The following KMT5A variants were observed in gnomAD, a reference collection of about 807,000 sequenced individuals.
The protein encoded by KMT5A is lysine methyltransferase 5A, also known as N-lysine methyltransferase KMT5A.
KMT5A carries 6 observed loss-of-function variants against 40.6 expected under a neutral mutation model. The observed-to-expected ratio is 0.15, with a 90% CI of 0.08 to 0.29. The LOEUF is 0.29. Among genes scored for constraint, KMT5A ranks in the 10% least tolerant of loss-of-function variants. The pLI, the probability that KMT5A is intolerant of heterozygous loss-of-function variation, is 1.00. For missense variants in KMT5A, 308 were observed against 459.1 expected, an observed-to-expected ratio of 0.67 and a Z score of 3.01; for synonymous variants, 153 against 178.8, an observed-to-expected ratio of 0.86 and a Z score of 1.15.
chr12:123,394,688 G>C lies in KMT5A; in HGVS notation c.290-359G>C, dbSNP rs571894131. 1.1e-4 allele frequency among the ~76,000 whole-genome samples: 16 copies of C among 152,276 alleles called. No homozygotes were observed. In the South Asian group the frequency reaches 3.3e-3, roughly 32 times the overall value. The stretch of plus-strand genomic sequence containing the variant: ...ACTCCTGTCCCCTAATGCTGTCCCA[G>C]CCTTCAGGAATGGAGCTTTTGATCT... On this transcript the variant is annotated intron_variant, in intron 3 of 7. Coordinates refer to ENST00000402868, the MANE Select transcript of KMT5A (RefSeq NM_020382.7).
chr12:123,396,423 C>G lies in KMT5A; in HGVS notation c.588C>G (p.Ala196=), dbSNP rs1337688221. The change falls in exon 5 of 8, where the codon GCC becomes GCG. Residue 196 remains alanine (A), a synonymous_variant. Coordinates refer to ENST00000402868, the MANE Select transcript of KMT5A (RefSeq NM_020382.7). Reference sequence around the variant, plus strand: ...GAAGGAGCTCCAGGAAGAGCAAAGCCGAGCTGCAGGTAGTCACGTGCTTTA... The same window carrying G: ...GAAGGAGCTCCAGGAAGAGCAAAGCGGAGCTGCAGGTAGTCACGTGCTTTA... ...PVRRSSRKSK[A]ELQSEERKRI... 6 of 1,613,870 alleles carry G rather than the reference C, an allele frequency of 3.7e-6. No individual in the cohort carries two copies. The highest frequency in any genetic ancestry group is 5.1e-6 in the Non-Finnish European group (6 of 1,179,958).
chr12:123,391,845 C>T (rs1446723221), intron 3 of KMT5A, among the ~76,000 whole-genome samples: 4 of 152,192 alleles, frequency 2.6e-5, no homozygotes, highest in Non-Finnish European at 5.9e-5. Context: ...TTGGCATGAC[C>T]TCTGGGGCCG....
chr12:123,395,896 A>G (rs1007928835), intron 4 of KMT5A, among the ~76,000 whole-genome samples: 6 of 151,820 alleles, frequency 4.0e-5, no homozygotes, highest in African/African-American at 1.5e-4. Flanking sequence ...TTATTCTGTC[A>G]TCCAGGCTGG....
At chr12:123,389,716 C>G (rs1301488744) in intron 2 of KMT5A, among the ~76,000 whole-genome samples, 162 bp downstream of exon 2, 1 of 151,982 alleles carries the variant, frequency 6.6e-6, no homozygotes, top group African/African-American at 2.4e-5. Flanking sequence ...ATGAGCCTGG[C>G]GGTGTTTGAC....
intron 1 of KMT5A, among the ~76,000 whole-genome samples, chr12:123,386,900 G>C (rs963761127): frequency 6.6e-6 from 1 of 151,984 alleles, no homozygotes; most frequent in Admixed American, 6.6e-5. Flanking sequence ...CTGTCACCCA[G>C]GATAGAGTGC....
At chr12:123,388,658 C>T (rs532948035) in intron 1 of KMT5A, 102 of 149,850 alleles carry the variant, frequency 6.8e-4, no homozygotes, top group African/African-American at 2.4e-3. Flanking sequence ...ACCCGAGGGC[C>T]TGGCCTGGCG....
At chr12:123,403,493 A>G (rs1878328528) in intron 5 of KMT5A, 80 bp from the exon 6 acceptor site, 2 of 1,522,652 alleles carry the variant, frequency 1.3e-6, no homozygotes, top group Admixed American at 1.7e-5. Context: ...GGCCTGGGCA[A>G]TCAGGGCTCA....
intron 2 of KMT5A, 90 bp from the exon 3 acceptor site, chr12:123,390,540 T>C: frequency 1.3e-6 from 2 of 1,499,894 alleles, no homozygotes; most frequent in East Asian, 2.3e-5. Flanking sequence ...CGGTGTTGTC[T>C]GATTTTCATC....
At chr12:123,402,813 C>T (rs1878276604) in intron 5 of KMT5A, among the ~76,000 whole-genome samples, 1 of 152,286 alleles carries the variant, frequency 6.6e-6, no homozygotes, top group East Asian at 1.9e-4. Context: ...AGGTGAATCT[C>T]AGCGATCCCA....
intron 1 of KMT5A, among the ~76,000 whole-genome samples, chr12:123,387,731 C>T (rs1039230887): frequency 1.3e-5 from 2 of 152,108 alleles, no homozygotes; most frequent in Non-Finnish European, 2.9e-5. Flanking sequence ...CAATGGGAGT[C>T]GAGGGAGGCT....
intron 5 of KMT5A, among the ~76,000 whole-genome samples, chr12:123,398,443 T>C (rs897281618): frequency 5.3e-5 from 8 of 152,016 alleles, no homozygotes; most frequent in African/African-American, 1.7e-4. Context: ...GGGAGCCGAG[T>C]TGGCCTTGTT....
chr12:123,389,477 G>T lies in KMT5A; in HGVS notation c.55G>T (p.Ala19Ser). 1 of 1,120,738 alleles carries T rather than the reference G, an allele frequency of 8.9e-7. No homozygotes were observed. The highest frequency in any genetic ancestry group is 1.1e-6 in the Non-Finnish European group (1 of 921,872). The allele number at this position is 1,120,738 out of a possible 1,614,324, so 69.4% of individuals were successfully genotyped here. ...CCGCGCGGTGGAGGCGGCGGCGGCG[G>T]CGGCGGCGGTGGCAGCGACGGCCCC... ...KPRAVEAAAAAAAVAATAPGP... is the reference protein window; with the variant it reads ...KPRAVEAAAASAAVAATAPGP... The change falls in exon 2 of 8, where the codon GCG becomes TCG. Residue 19 changes from alanine (A) to serine (S), a missense_variant. Physicochemically the swap from Ala to Ser is moderately conservative, Grantham distance 99 (BLOSUM62 1). This residue lies in a region of KMT5A where 92 missense variants were observed against 78.3 expected (regional missense o/e 1.18). Coordinates refer to ENST00000402868, the MANE Select transcript of KMT5A (RefSeq NM_020382.7).
At chr12:123,404,816 G>A (rs1021495507) in intron 6 of KMT5A, 68 bp from the exon 7 acceptor site, 16 of 1,492,974 alleles carry the variant, frequency 1.1e-5, no homozygotes, top group Admixed American at 4.1e-5. Flanking sequence ...CCAGCTCCCC[G>A]GAGACCTGCT....
intron 4 of KMT5A, 125 bp downstream of exon 4, chr12:123,395,391 T>C: frequency 1.0e-6 from 1 of 954,878 alleles, no homozygotes; most frequent in Non-Finnish European, 1.6e-6. Context: ...TGTCAAAGAC[T>C]CAGATGCCCC....
At chr12:123,393,582 C>A (rs543588363) in intron 3 of KMT5A, among the ~76,000 whole-genome samples, 18 of 152,258 alleles carry the variant, frequency 1.2e-4, no homozygotes, top group African/African-American at 4.3e-4. Flanking sequence ...CTCTCTCACC[C>A]AGGCTGGAGT....
chr12:123,386,507 C>T (rs1022482891), intron 1 of KMT5A, among the ~76,000 whole-genome samples: 8 of 152,174 alleles, frequency 5.3e-5, no homozygotes, highest in African/African-American at 1.4e-4. Context: ...AAAGCCACCA[C>T]GCCTGGCCAA....
chr12:123,396,789 GCTTTT>G (rs72318344), intron 5 of KMT5A, among the ~76,000 whole-genome samples: 9,478 of 152,228 alleles, frequency 0.062, 319 homozygotes, highest in South Asian at 0.11. Context: ...TCTTTCAGAG[GCTTTT>G]CTTGTCTGTT....
intron 5 of KMT5A, among the ~76,000 whole-genome samples, chr12:123,399,611 T>C (rs1347691489): frequency 1.3e-5 from 2 of 152,202 alleles, no homozygotes; most frequent in Admixed American, 6.5e-5. Context: ...ATGGTGGTGG[T>C]GTTGCTTTGA....
At chr12:123,400,814 G>GT (rs927588343) in intron 5 of KMT5A, among the ~76,000 whole-genome samples, 3 of 150,544 alleles carry the variant, frequency 2.0e-5, no homozygotes, top group African/African-American at 7.3e-5. Flanking sequence ...TTTTTTTTTT[G>GT]TTTTTTGTTT....
Sources: allele counts gnomAD v4.1 joint callset (sites outside exome capture counted in the v4.1 genomes callset), GRCh38; gene constraint gnomAD v4.1.1; regional missense constraint gnomAD v4.1.1; transcripts MANE v1.5; gene names NCBI Gene and HGNC (gene_info 2026-07-23, HGNC 2026-07-21).